ISM1: variants seen among roughly 807,000 people sequenced by gnomAD.
The protein encoded by ISM1 is isthmin-1.
Under a neutral mutation model 46.3 loss-of-function variants are expected in ISM1, and 25 were observed. The observed-to-expected ratio is 0.54, with a 90% confidence interval of 0.39 to 0.75. ISM1 has a LOEUF of 0.75. ISM1 is among the 30% of genes least tolerant of loss of function. The probability of loss-of-function intolerance (pLI) is 0.00; values close to 1 mark genes in which losing one functional copy is unlikely to be tolerated. For missense variants in ISM1, 536 were observed against 625.4 expected, an observed-to-expected ratio of 0.86 and a Z score of 1.52; for synonymous variants, 255 against 256.7, an observed-to-expected ratio of 0.99 and a Z score of 0.06.
At chr20:13,250,744 TG>T (rs2039859700) in intron 1 of ISM1, among the ~76,000 whole-genome samples, 1 of 152,202 alleles carries the variant, frequency 6.6e-6, no homozygotes, top group Admixed American at 6.5e-5. Flanking sequence ...ACGGAGTAAT[TG>T]GCTCTCAGTA....
chr20:13,308,194 A>G, the ISM1 span, among the ~76,000 whole-genome samples: 1 of 152,220 alleles, frequency 6.6e-6, no homozygotes, highest in African/African-American at 2.4e-5. Flanking sequence ...ACAAAAAGGA[A>G]TAGACAGGAA....
At chr20:13,271,514 A>G (rs1267292033) in intron 2 of ISM1, among the ~76,000 whole-genome samples, 2 of 152,278 alleles carry the variant, frequency 1.3e-5, no homozygotes, top group East Asian at 3.9e-4. Context: ...AGCCCGTGTC[A>G]TTTTTCTAAT....
the ISM1 span, among the ~76,000 whole-genome samples, chr20:13,323,347 C>G: frequency 6.6e-6 from 1 of 152,084 alleles, no homozygotes; most frequent in Non-Finnish European, 1.5e-5. Context: ...CGGAGCAAGG[C>G]AAGAAAGTTG....
the ISM1 span, among the ~76,000 whole-genome samples, chr20:13,307,395 C>T: frequency 6.7e-4 from 102 of 152,256 alleles, no homozygotes; most frequent in African/African-American, 2.4e-3. Flanking sequence ...TCCATACCAA[C>T]ACCAAGAAAA....
intron 2 of ISM1, among the ~76,000 whole-genome samples, chr20:13,278,843 C>T (rs146351721): frequency 2.7e-3 from 407 of 152,298 alleles, no homozygotes; most frequent in African/African-American, 9.0e-3. Context: ...CAGAGCTAGA[C>T]GTGGGCTGAG....
chr20:13,286,032 C>A (rs753022092), intron 3 of ISM1, among the ~76,000 whole-genome samples: 7 of 152,210 alleles, frequency 4.6e-5, no homozygotes, highest in Non-Finnish European at 8.8e-5. Flanking sequence ...ACAGGTGATG[C>A]AAACTCTACC....
intron 2 of ISM1, among the ~76,000 whole-genome samples, chr20:13,278,959 T>C (rs1393692611): frequency 6.6e-6 from 1 of 152,156 alleles, no homozygotes; most frequent in Admixed American, 6.5e-5. Context: ...TCCAAGAGAA[T>C]GAAAATGAAA....
chr20:13,324,416 G>C, the ISM1 span, among the ~76,000 whole-genome samples: 1 of 152,150 alleles, frequency 6.6e-6, no homozygotes, highest in Non-Finnish European at 1.5e-5. Flanking sequence ...AAAGTGATAG[G>C]CAGTACCCAA....
rs1489559523 is a variant in ISM1 at position 13,299,680 on chromosome 20, C to A, written c.*221C>A. 1 of 482,758 alleles carries A rather than the reference C, an allele frequency of 2.1e-6. No homozygotes were observed. Among genetic ancestry groups the A allele is most frequent in the Non-Finnish European group, 3.6e-6 (1 of 274,486 alleles). 29.9% of individuals were successfully genotyped at this position (482,758 alleles called of 1,614,324 possible). A position where few individuals can be genotyped will look rare whatever the true frequency, so the allele number is the denominator to read the frequency against. On this transcript the variant is annotated 3_prime_UTR_variant, in exon 6 of 6. Coordinates refer to ENST00000262487, the MANE Select transcript of ISM1 (RefSeq NM_080826.2). This position sits in a 1 kb window ranked among gnomAD's most constrained non-coding sequence, Gnocchi z 5.8. ...TCTGCAGAGCTCCTTGAAAGTGCCC[C>A]TGGGGAGCGATGTGGGCAGAAGGAT...
intron 1 of ISM1, among the ~76,000 whole-genome samples, chr20:13,227,658 G>A (rs1203608656): frequency 2.7e-5 from 4 of 150,888 alleles, no homozygotes; most frequent in East Asian, 2.0e-4. Flanking sequence ...ACAGGCGCCC[G>A]CCACCATGCC....
chr20:13,288,932 A>G (rs961114478), intron 4 of ISM1, among the ~76,000 whole-genome samples: 3 of 152,018 alleles, frequency 2.0e-5, no homozygotes, highest in African/African-American at 7.2e-5. Context: ...TTACAGGCAC[A>G]TGCCACCATG....
chr20:13,314,823 CTATCTA>C, the ISM1 span, among the ~76,000 whole-genome samples: 1 of 152,132 alleles, frequency 6.6e-6, no homozygotes, highest in East Asian at 1.9e-4. Context: ...ATATCTATAT[CTATCTA>C]TATGTTTATA....
chr20:13,269,271 C>A (rs928116870), intron 1 of ISM1, among the ~76,000 whole-genome samples: 18 of 152,148 alleles, frequency 1.2e-4, no homozygotes, highest in African/African-American at 4.1e-4. Flanking sequence ...AGTAAATCTT[C>A]TGTGAGAGGA....
At chr20:13,262,963 G>T (rs181719) in intron 1 of ISM1, among the ~76,000 whole-genome samples, 32,832 of 152,094 alleles carry the variant, frequency 0.22, 3,771 homozygotes, top group Non-Finnish European at 0.24. Context: ...TAGTCAGACC[G>T]TGACAGCAGG....
intron 1 of ISM1, among the ~76,000 whole-genome samples, chr20:13,267,515 G>A (rs1250085701): frequency 6.6e-6 from 1 of 152,152 alleles, no homozygotes; most frequent in Non-Finnish European, 1.5e-5. Context: ...TGCGGGGAGG[G>A]TACAGGGCTC....
the ISM1 span, among the ~76,000 whole-genome samples, chr20:13,313,637 A>G: frequency 3.1e-4 from 47 of 152,214 alleles, no homozygotes; most frequent in Admixed American, 3.1e-3. Flanking sequence ...TAATTTGTCT[A>G]CATTTCTTCT....
At chr20:13,271,983 C>T (rs1337798970) in intron 2 of ISM1, among the ~76,000 whole-genome samples, 2 of 152,006 alleles carry the variant, frequency 1.3e-5, no homozygotes, top group Admixed American at 6.5e-5. Context: ...TTTGCCATAT[C>T]GCTCAGGCTG....
downstream of ISM1, among the ~76,000 whole-genome samples, chr20:13,304,571 C>T (rs531590096): frequency 1.3e-5 from 2 of 152,338 alleles, no homozygotes; most frequent in South Asian, 4.1e-4. Flanking sequence ...ATGTCTTTGC[C>T]TGATGGCTTT....
intron 1 of ISM1, among the ~76,000 whole-genome samples, chr20:13,251,225 A>T (rs1275846615): frequency 2.6e-5 from 4 of 152,082 alleles, no homozygotes; most frequent in African/African-American, 9.7e-5. Context: ...GAAGGTTTTC[A>T]CTTCCCGCTC....
Sources: gnomAD v4.1 joint callset for allele counts (sites outside exome capture counted in the v4.1 genomes callset) on GRCh38, gnomAD v4.1.1 for gene constraint, Gnocchi (gnomAD v3.1) non-coding constraint, MANE v1.5 for transcripts, NCBI Gene and HGNC (gene_info 2026-07-23, HGNC 2026-07-21) for gene names.